The following PTPRD variants were observed in gnomAD, a reference collection of about 807,000 sequenced individuals.
PTPRD encodes the protein receptor-type tyrosine-protein phosphatase delta.
Under a neutral mutation model 214.5 loss-of-function variants are expected in PTPRD, and 34 were observed. The ratio of observed to expected loss-of-function variants is 0.16; its 90% CI spans 0.12 to 0.21. The LOEUF is 0.21. PTPRD is among the 10% of genes least tolerant of loss of function. PTPRD has a pLI of 1.00. For missense variants in PTPRD, 2,545 were observed against 2,398.7 expected (o/e 1.06, Z -1.27); for synonymous variants, 1,128 against 845.7 (o/e 1.33, Z -5.79).
intron 5 of PTPRD, among the ~76,000 whole-genome samples, chr9:9,819,092 G>C (rs2049809846): frequency 6.6e-6 from 1 of 152,070 alleles, no homozygotes; most frequent in Non-Finnish European, 1.5e-5. Flanking sequence ...TTTGAATAAT[G>C]CAGTCCCACA....
At chr9:9,989,208 G>A (rs1203329030) in intron 4 of PTPRD, among the ~76,000 whole-genome samples, 1 of 151,962 alleles carries the variant, frequency 6.6e-6, no homozygotes, top group Non-Finnish European at 1.5e-5. Flanking sequence ...GGAAATACTG[G>A]GTAGAAGTGG....
chr9:9,698,532 A>C (rs1011084884), intron 7 of PTPRD, among the ~76,000 whole-genome samples: 1 of 152,170 alleles, frequency 6.6e-6, no homozygotes, highest in African/African-American at 2.4e-5. Context: ...GTCCTGCTGG[A>C]TGGCTACTCT....
chr9:9,811,723 A>G (rs1292904702), intron 5 of PTPRD, among the ~76,000 whole-genome samples: 16 of 152,134 alleles, frequency 1.1e-4, no homozygotes, highest in Non-Finnish European at 2.9e-5. Context: ...AAAACAAAAA[A>G]TGGTTTATTG....
At chr9:9,628,053 G>A (rs1289526034) in intron 7 of PTPRD, among the ~76,000 whole-genome samples, 1 of 152,078 alleles carries the variant, frequency 6.6e-6, no homozygotes, top group Non-Finnish European at 1.5e-5. Context: ...CATTTAACAT[G>A]GGATTTCCTT....
intron 14 of PTPRD, among the ~76,000 whole-genome samples, chr9:8,569,588 T>C (rs1378414387): frequency 6.6e-6 from 1 of 152,090 alleles, no homozygotes; most frequent in Non-Finnish European, 1.5e-5. Context: ...GTGATTTATT[T>C]TCAAAGGATG....
intron 11 of PTPRD, among the ~76,000 whole-genome samples, chr9:8,842,151 A>T (rs980739189): frequency 2.0e-5 from 3 of 152,172 alleles, no homozygotes; most frequent in Non-Finnish European, 4.4e-5. Flanking sequence ...AAACTGCAAT[A>T]AAAAATACCA....
intron 12 of PTPRD, among the ~76,000 whole-genome samples, chr9:8,676,029 G>C (rs1439512812): frequency 6.6e-6 from 1 of 152,126 alleles, no homozygotes; most frequent in Admixed American, 6.5e-5. Flanking sequence ...ATCCCATTTT[G>C]ACCAATAGTG....
chr9:8,425,670 T>G (rs1203659908), intron 35 of PTPRD, among the ~76,000 whole-genome samples: 8 of 104,938 alleles, frequency 7.6e-5, no homozygotes, highest in Non-Finnish European at 2.0e-4. Context: ...TGTTTTTTTG[T>G]TTTTTTTCTG....
At chr9:8,357,028 G>C (rs1325458538) in intron 39 of PTPRD, among the ~76,000 whole-genome samples, 1 of 152,016 alleles carries the variant, frequency 6.6e-6, no homozygotes, top group Non-Finnish European at 1.5e-5. Flanking sequence ...TAACTGGAAG[G>C]GTATTTATTC....
chr9:10,034,494 G>A (rs1424566000), intron 3 of PTPRD, among the ~76,000 whole-genome samples: 4 of 147,898 alleles, frequency 2.7e-5, no homozygotes, highest in East Asian at 2.0e-4. Context: ...TGTCATAGGC[G>A]TTTGTTGTGC....
Position 8,340,356 on chromosome 9 carries a change from C to T in PTPRD, c.5240G>A (p.Arg1747His), listed in dbSNP as rs553232071. ...CCACACACTTACTCTGCCCATTTCA[C>T]GCAGCTTGGTGAGCATCACAACTAT... ...STIVVMLTKL[R>H]EMGREKCHQY... Residue 1747 changes from arginine (R) to histidine (H), a missense_variant, in exon 42 of 46, where the codon CGT (arginine) becomes CAT (histidine). Transcript: ENST00000381196. 3.8e-5 allele frequency: 61 copies of T among 1,607,880 alleles called. No homozygotes were observed. Among genetic ancestry groups the T allele is most frequent in the Admixed American group, 8.4e-5 (5 of 59,838 alleles).
At chr9:10,208,660 T>C (rs897774463) in intron 3 of PTPRD, among the ~76,000 whole-genome samples, 1 of 152,258 alleles carries the variant, frequency 6.6e-6, no homozygotes. Context: ...CTCCCCCATT[T>C]TGTTTTAACA....
chr9:8,917,320 T>G (rs7047499), intron 11 of PTPRD, among the ~76,000 whole-genome samples: 10,769 of 150,812 alleles, frequency 0.071, 1,195 homozygotes, highest in African/African-American at 0.24. Context: ...GTATTTTTAG[T>G]TGAGACAGCG....
chr9:8,831,054 T>G (rs1472033284), intron 11 of PTPRD, among the ~76,000 whole-genome samples: 1 of 152,166 alleles, frequency 6.6e-6, no homozygotes, highest in Non-Finnish European at 1.5e-5. Context: ...TTAGAAAATC[T>G]GTGGACTTAG....
Position 8,861,426 on chromosome 9 carries a change from A to AT in PTPRD, c.-103-127481dup, listed in dbSNP as rs1555447144. On this transcript the variant is annotated intron_variant, in intron 11 of 45. Coordinates refer to ENST00000381196, the MANE Select transcript of PTPRD (RefSeq NM_002839.4). ...TGCATTATACATACTAAGTTGTTTT[A>AT]TTTTTTATTTTTTTATTTTTTTTGC... The AT allele has an allele frequency of 2.2e-3, 339 of 152,212 alleles. 3 individuals carry two copies. Among genetic ancestry groups the AT allele is most frequent in the African/African-American group, 7.9e-3 (328 of 41,522 alleles). The allele number at this position is 152,212 out of a possible 1,614,324, so 9.4% of individuals were successfully genotyped here.
At chr9:9,889,061 A>G (rs1397048316) in intron 5 of PTPRD, among the ~76,000 whole-genome samples, 1 of 152,146 alleles carries the variant, frequency 6.6e-6, no homozygotes, top group African/African-American at 2.4e-5. Context: ...GTGGAATCTA[A>G]AAGAGTTGAT....
At chr9:9,833,643 C>T (rs1413974339) in intron 5 of PTPRD, among the ~76,000 whole-genome samples, 1 of 101,424 alleles carries the variant, frequency 9.9e-6, no homozygotes, top group African/African-American at 4.5e-5. Context: ...TTTATTTCAC[C>T]TCTGCAGTCT....
At chr9:9,737,569 G>A (rs902981355) in intron 6 of PTPRD, among the ~76,000 whole-genome samples, 3 of 151,982 alleles carry the variant, frequency 2.0e-5, no homozygotes, top group Non-Finnish European at 2.9e-5. Context: ...TGCCTATTCT[G>A]TACACTTCAT....
chr9:9,230,955 G>A (rs1300748707), intron 9 of PTPRD, among the ~76,000 whole-genome samples: 2 of 152,010 alleles, frequency 1.3e-5, no homozygotes, highest in Non-Finnish European at 2.9e-5. Context: ...TCCAGAACGT[G>A]AATACTTCAA....
Sources: gnomAD v4.1 joint callset for allele counts (sites outside exome capture counted in the v4.1 genomes callset) on GRCh38, gnomAD v4.1.1 for gene constraint, MANE v1.5 for transcripts, NCBI Gene and HGNC (gene_info 2026-07-23, HGNC 2026-07-21) for gene names.